The following PDGFD variants were observed in gnomAD, a reference collection of about 807,000 sequenced individuals.
The protein encoded by PDGFD is platelet-derived growth factor D.
Under a neutral mutation model 44.7 loss-of-function variants are expected in PDGFD, and 30 were observed. The ratio of observed to expected loss-of-function variants is 0.67; its 90% CI spans 0.50 to 0.91. The LOEUF (loss-of-function observed/expected upper bound fraction) is 0.91, where lower values mean the gene tolerates loss of function less well. PDGFD is among the 40% of genes least tolerant of loss of function. PDGFD has a pLI of 0.00. For missense variants in PDGFD, 445 were observed against 457.8 expected (o/e 0.97, Z 0.25); for synonymous variants, 173 against 168.4 (o/e 1.03, Z -0.21).
intron 1 of PDGFD, among the ~76,000 whole-genome samples, chr11:104,036,154 A>G (rs1325513707): frequency 2.0e-5 from 3 of 152,190 alleles, no homozygotes; most frequent in East Asian, 3.9e-4. Flanking sequence ...GAAAGTGTTG[A>G]AAAACTAGGC....
intron 3 of PDGFD, among the ~76,000 whole-genome samples, chr11:103,979,030 C>T (rs1045012229): frequency 2.6e-5 from 4 of 152,014 alleles, no homozygotes; most frequent in Admixed American, 6.6e-5. Flanking sequence ...TTTGCAGATG[C>T]TTTCCCCATG....
intron 1 of PDGFD, among the ~76,000 whole-genome samples, chr11:104,094,966 C>T (rs151302089): frequency 7.9e-5 from 12 of 152,242 alleles, no homozygotes; most frequent in Admixed American, 1.3e-4. Context: ...CAGTTCACGA[C>T]GTAGCAATCA....
chr11:103,982,017 T>C (rs1361324868), intron 3 of PDGFD, among the ~76,000 whole-genome samples: 1 of 151,770 alleles, frequency 6.6e-6, no homozygotes, highest in Non-Finnish European at 1.5e-5. Flanking sequence ...GGTTATATGC[T>C]TCATTTCTAT....
rs564874715 is a variant in PDGFD at position 104,065,492 on chromosome 11, T to C, written c.125-65237A>G. Among the ~76,000 whole-genome samples, 8 of 152,184 alleles carry C rather than the reference T, an allele frequency of 5.3e-5. No individual in the cohort carries two copies. The East Asian group carries it at 1.5e-3, about 29-fold the overall frequency. On this transcript the variant is annotated intron_variant, in intron 1 of 6. Transcript: ENST00000393158. ...TTTAAACTACTTATAAACATTTACT[T>C]CATATAAAGAATTGACCTAACAGTT...
chr11:104,059,910 G>A (rs374556961), intron 1 of PDGFD, among the ~76,000 whole-genome samples: 1 of 152,022 alleles, frequency 6.6e-6, no homozygotes, highest in Admixed American at 6.5e-5. Flanking sequence ...ATTTTGCTTT[G>A]AAAACAAATC....
In PDGFD at chr11:103,985,078, T is replaced by TTTAATATATAATATATTA. The variant is rs1859338506; in HGVS notation, c.510+10986_510+10987insTAATATATTATATATTAA. Among the ~76,000 whole-genome samples the TTTAATATATAATATATTA allele has an allele frequency of 3.4e-5, 3 of 89,268 alleles. 1 individual carries two copies. Among genetic ancestry groups the TTTAATATATAATATATTA allele is most frequent in the East Asian group, 7.0e-4 (2 of 2,876 alleles). The allele number at this position is 89,268 out of a possible 152,430, so 58.6% of individuals were successfully genotyped here. A position where few individuals can be genotyped will look rare whatever the true frequency, so the allele number is the denominator to read the frequency against. ...TATATATTAATTTATTTAATAGTTA[T>TTTAATATATAATATATTA]ATTTATTTAATATATTATATATTAA... On this transcript the variant is annotated intron_variant, in intron 3 of 6. Transcript: ENST00000393158.
At chr11:104,162,167 C>T (rs1038669593) in intron 1 of PDGFD, among the ~76,000 whole-genome samples, 28 of 150,610 alleles carry the variant, frequency 1.9e-4, no homozygotes, top group Non-Finnish European at 3.5e-4. Flanking sequence ...AAAAAACCTG[C>T]TGAGCTACAT....
chr11:103,978,882 G>A (rs559647208), intron 3 of PDGFD, among the ~76,000 whole-genome samples: 4 of 152,072 alleles, frequency 2.6e-5, no homozygotes, highest in South Asian at 2.1e-4. Context: ...AGTAGCAAAC[G>A]TGAACTTGGG....
intron 1 of PDGFD, among the ~76,000 whole-genome samples, chr11:104,142,722 AG>A (rs899849941): frequency 6.6e-6 from 1 of 152,166 alleles, no homozygotes; most frequent in Non-Finnish European, 1.5e-5. Context: ...AACAAGGGAG[AG>A]GGTTTCCAGG....
intron 1 of PDGFD, among the ~76,000 whole-genome samples, chr11:104,015,408 T>C (rs982690699): frequency 6.6e-6 from 1 of 152,148 alleles, no homozygotes; most frequent in Admixed American, 6.6e-5. Flanking sequence ...TTTAAATTAA[T>C]CTGAGAAAAA....
intron 3 of PDGFD, among the ~76,000 whole-genome samples, chr11:103,950,349 G>C (rs1450390021): frequency 3.5e-5 from 5 of 142,270 alleles, no homozygotes; most frequent in Admixed American, 7.4e-5. Context: ...AGGAGTTCAA[G>C]ACCAGCCTGG....
At chr11:104,064,820 C>A (rs1219824702) in intron 1 of PDGFD, among the ~76,000 whole-genome samples, 1 of 152,092 alleles carries the variant, frequency 6.6e-6, no homozygotes, top group African/African-American at 2.4e-5. Context: ...GTTTATGCTG[C>A]AAATTAACAA....
At chr11:103,953,756 C>A (rs1858794427) in intron 3 of PDGFD, among the ~76,000 whole-genome samples, 2 of 152,126 alleles carry the variant, frequency 1.3e-5, no homozygotes, top group South Asian at 4.1e-4. Flanking sequence ...AATGGTGTCA[C>A]CCATGTATTC....
intron 1 of PDGFD, among the ~76,000 whole-genome samples, chr11:104,118,843 ATATTATATAT>A (rs796543872): frequency 0.17 from 6,320 of 37,368 alleles, 449 homozygotes; most frequent in East Asian, 0.32. Context: ...AATATATAAT[ATATTATATAT>A]TATAATATAT....
intron 6 of PDGFD, among the ~76,000 whole-genome samples, chr11:103,910,132 A>T (rs4755000): frequency 1.3e-5 from 2 of 151,954 alleles, no homozygotes; most frequent in Non-Finnish European, 2.9e-5. Context: ...TGGGCCAAGT[A>T]CTGTTCCAAA....
intron 3 of PDGFD, among the ~76,000 whole-genome samples, chr11:103,950,891 T>C (rs1858746595): frequency 6.6e-6 from 1 of 152,232 alleles, no homozygotes; most frequent in Non-Finnish European, 1.5e-5. Flanking sequence ...TATCTATCCT[T>C]AGTAAATTCT....
chr11:104,054,020 A>G (rs963372489), intron 1 of PDGFD, among the ~76,000 whole-genome samples: 2 of 152,196 alleles, frequency 1.3e-5, no homozygotes, highest in African/African-American at 4.8e-5. Flanking sequence ...TTTTTTCCCA[A>G]GATAAACTTG....
chr11:104,037,048 C>A (rs771642015), intron 1 of PDGFD: 2 of 1,614,244 alleles, frequency 1.2e-6, no homozygotes, highest in Admixed American at 1.7e-5. Flanking sequence ...GGTTTTACTG[C>A]AGAAGGACAA....
intron 3 of PDGFD, among the ~76,000 whole-genome samples, chr11:103,992,630 G>C (rs980606826): frequency 1.3e-5 from 2 of 152,174 alleles, no homozygotes; most frequent in African/African-American, 4.8e-5. Flanking sequence ...TGCCCTGGGT[G>C]GGCACTGTGA....
Sources: gnomAD v4.1 joint callset for allele counts (sites outside exome capture counted in the v4.1 genomes callset) on GRCh38, gnomAD v4.1.1 for gene constraint, MANE v1.5 for transcripts, NCBI Gene and HGNC (gene_info 2026-07-23, HGNC 2026-07-21) for gene names.